Variants in IPO7 observed in about 807,000 individuals in gnomAD.
IPO7 encodes the protein importin 7, also known as importin-7.
IPO7 carries 13 observed loss-of-function variants against 136.4 expected under a neutral mutation model. The ratio of observed to expected loss-of-function variants is 0.10; its 90% CI spans 0.06 to 0.15. The LOEUF (loss-of-function observed/expected upper bound fraction) is 0.15, where lower values mean the gene tolerates loss of function less well. Ranked by LOEUF, IPO7 falls within the 10% of genes least tolerant of loss-of-function variation. The pLI, the probability that IPO7 is intolerant of heterozygous loss-of-function variation, is 1.00. For missense variants in IPO7, 857 were observed against 1,240.6 expected (o/e 0.69, Z 4.65); for synonymous variants, 403 against 404.4 (o/e 1.00, Z 0.04).
At position 9,437,930 on chromosome 11, in the gene IPO7, T is replaced by G. The variant is rs1433933828; in HGVS notation, c.2445T>G (p.Asn815Lys). 6.2e-7 allele frequency: 1 copy of G among 1,613,830 alleles called. No homozygotes were observed. Among genetic ancestry groups the G allele is most frequent in the Non-Finnish European group, 8.5e-7 (1 of 1,179,824 alleles). The change falls in exon 21 of 25, where the codon AAT becomes AAG. Residue 815 changes from asparagine to lysine, a missense_variant. Asn to Lys is a moderately conservative substitution (Grantham distance 94). Coordinates refer to ENST00000379719, the MANE Select transcript of IPO7 (RefSeq NM_006391.3). ...RFPNNVEPVTNHFITQWLNDV... is the reference protein window; with the variant it reads ...RFPNNVEPVTKHFITQWLNDV... ...CTAATAATGTTGAACCAGTTACAAA[T>G]CATTTTATTACACAGTGGCTTAATG...
At chr11:9,390,078 A>G (rs1162023396) in intron 1 of IPO7, among the ~76,000 whole-genome samples, 1 of 151,920 alleles carries the variant, frequency 6.6e-6, no homozygotes, top group East Asian at 1.9e-4. Context: ...TTTAGTAGAG[A>G]CGGGGTTTCG....
At chr11:9,406,103 T>TA (rs1854881924) in intron 2 of IPO7, among the ~76,000 whole-genome samples, 7 of 101,594 alleles carry the variant, frequency 6.9e-5, no homozygotes, top group African/African-American at 1.1e-4. Flanking sequence ...CTGAGGCTGG[T>TA]CTTTTTTTTT....
In IPO7 at chr11:9,440,668, C is replaced by A; in HGVS notation, c.2902+7C>A. The A allele has an allele frequency of 1.3e-6, 2 of 1,566,440 alleles. No individual in the cohort carries two copies. The highest frequency in any genetic ancestry group is 2.2e-5 in the South Asian group (2 of 90,000). Reference sequence around the variant, plus strand: ...TTTAAAGCTATCTTTCAAAGTAAGTCAACTTGTTACATGTGGATCCATTTC... The same window carrying A: ...TTTAAAGCTATCTTTCAAAGTAAGTAAACTTGTTACATGTGGATCCATTTC... On this transcript the variant is annotated splice_region_variant and intron_variant, in intron 23 of 24. Transcript: ENST00000379719.
intron 10 of IPO7, among the ~76,000 whole-genome samples, chr11:9,424,538 G>C (rs1293182530): frequency 6.6e-6 from 1 of 152,178 alleles, no homozygotes; most frequent in Non-Finnish European, 1.5e-5. Flanking sequence ...GAGGTCAGGA[G>C]TTTGAGACCA....
At chr11:9,424,691 C>T (rs745611583) in intron 10 of IPO7, among the ~76,000 whole-genome samples, 3 of 152,132 alleles carry the variant, frequency 2.0e-5, no homozygotes, top group Admixed American at 6.6e-5. Context: ...TACAATGAGC[C>T]GAGATCGCCC....
chr11:9,390,773 A>C (rs1413092305), intron 1 of IPO7, among the ~76,000 whole-genome samples: 4 of 1,680 alleles, frequency 2.4e-3, no homozygotes, highest in East Asian at 0.083. Flanking sequence ...AACATACAAA[A>C]AAAATTTTTT....
At chr11:9,430,830 A>C in intron 15 of IPO7, 45 bp from the exon 16 acceptor site, 1 of 1,578,576 alleles carries the variant, frequency 6.3e-7, no homozygotes, top group Non-Finnish European at 8.7e-7. Flanking sequence ...AAACATATTT[A>C]TAATGCTTCA....
At position 9,423,016 on chromosome 11, in the gene IPO7, A is replaced by G; in HGVS notation, c.917A>G (p.Lys306Arg). The change falls in exon 9 of 25, where the codon AAG (lysine) becomes AGG (arginine). Residue 306 changes from lysine to arginine, a missense_variant. By Grantham distance (26) the Lys-to-Arg change is conservative. This residue lies in a region of IPO7 where 287 missense variants were observed against 307.5 expected (regional missense o/e 0.93). Coordinates refer to ENST00000379719, the MANE Select transcript of IPO7 (RefSeq NM_006391.3). Reference protein sequence around the residue: ...FAVGVQQVLLKVLYQYKEKQY... With the variant: ...FAVGVQQVLLRVLYQYKEKQY... ...AAATTTTTTTCCAAGGTTTTATTGA[A>G]GGTGTTATATCAGTACAAGGAGAAG... 1 of 1,532,370 alleles carries G rather than the reference A, an allele frequency of 6.5e-7. No individual in the cohort carries two copies. The highest frequency in any genetic ancestry group is 1.3e-5 in the South Asian group (1 of 76,476). 94.9% of individuals were successfully genotyped at this position (1,532,370 alleles called of 1,614,324 possible).
intron 20 of IPO7, among the ~76,000 whole-genome samples, chr11:9,436,651 TTTTTGTTTGTTTGTTTTG>T (rs1229989029): frequency 6.6e-6 from 1 of 150,974 alleles, no homozygotes; most frequent in Non-Finnish European, 1.5e-5. Flanking sequence ...ATGGTCAGTT[TTTTTGTTTGTTTGTTTTG>T]TTTTGTTTGT....
In IPO7 at chr11:9,438,272, T is replaced by A. The variant is rs560411277; in HGVS notation, c.2682T>A (p.Asp894Glu). The change falls in exon 22 of 25, where the codon GAT becomes GAA. Residue 894 changes from aspartate (D) to glutamate (E), a missense_variant. By Grantham distance (45) the Asp-to-Glu change is conservative. Around this residue, in one of 11 missense-constraint regions of IPO7, gnomAD observed 119 missense variants for 155.5 expected, o/e 0.77. Transcript: ENST00000379719. ...GTGATGATGATGATGAAGCTGAAGA[T>A]GATGATGAAACCGGTAAGGGATTTT... ...NDSDDDDEAE[D>E]DDETEELGSD... 11 of 1,542,462 alleles carry A rather than the reference T, an allele frequency of 7.1e-6. No homozygotes were observed. In the South Asian group the frequency reaches 1.2e-4, roughly 17 times the overall value.
At chr11:9,389,505 C>T (rs1269501035) in intron 1 of IPO7, among the ~76,000 whole-genome samples, 1 of 152,172 alleles carries the variant, frequency 6.6e-6, no homozygotes, top group Non-Finnish European at 1.5e-5. Context: ...TTCTAGAGCT[C>T]CATAATCACC....
intron 1 of IPO7, among the ~76,000 whole-genome samples, chr11:9,398,711 A>G (rs1052655015): frequency 4.5e-4 from 68 of 152,218 alleles, no homozygotes; most frequent in African/African-American, 1.6e-3. Context: ...TTCATCTCAA[A>G]TGTATATCAT....
chr11:9,435,925 G>A (rs541839750), intron 19 of IPO7, among the ~76,000 whole-genome samples: 5 of 152,210 alleles, frequency 3.3e-5, no homozygotes, highest in Admixed American at 2.0e-4. Context: ...AGTTCTTTAC[G>A]TGAGAAAGGT....
At chr11:9,386,994 C>T (rs950591468) in intron 1 of IPO7, among the ~76,000 whole-genome samples, 6 of 152,176 alleles carry the variant, frequency 3.9e-5, no homozygotes, top group Non-Finnish European at 7.3e-5. Context: ...TACACTACTT[C>T]TCCCTCTCCC....
chr11:9,394,026 G>A (rs1288217471), intron 1 of IPO7, among the ~76,000 whole-genome samples: 1 of 152,010 alleles, frequency 6.6e-6, no homozygotes, highest in Non-Finnish European at 1.5e-5. Flanking sequence ...GGGACTACAA[G>A]CGTGCGCCAC....
intron 12 of IPO7, among the ~76,000 whole-genome samples, chr11:9,425,770 T>C (rs996155509): frequency 6.6e-6 from 1 of 151,754 alleles, no homozygotes; most frequent in Non-Finnish European, 1.5e-5. Flanking sequence ...TCCCAGCTAC[T>C]CAGGAGGCTG....
chr11:9,397,157 C>T (rs1485742515), intron 1 of IPO7, among the ~76,000 whole-genome samples: 1 of 149,766 alleles, frequency 6.7e-6, no homozygotes, highest in East Asian at 2.0e-4. Flanking sequence ...TCTTGCTTTG[C>T]TGCCCAGGCT....
chr11:9,427,099 C>T (rs1590445858), intron 12 of IPO7, among the ~76,000 whole-genome samples: 1 of 152,300 alleles, frequency 6.6e-6, no homozygotes, highest in Admixed American at 6.5e-5. Flanking sequence ...ATCCGCCTGC[C>T]TCAGCCTCCC....
chr11:9,400,273 G>A (rs11042332), intron 1 of IPO7, among the ~76,000 whole-genome samples: 2,117 of 152,166 alleles, frequency 0.014, 45 homozygotes, highest in African/African-American at 0.048. Context: ...TGGGGGCACC[G>A]ACTGTATTTT....
Sources: allele counts gnomAD v4.1 joint callset (sites outside exome capture counted in the v4.1 genomes callset), GRCh38; gene constraint gnomAD v4.1.1; regional missense constraint gnomAD v4.1.1; transcripts MANE v1.5; gene names NCBI Gene and HGNC (gene_info 2026-07-23, HGNC 2026-07-21).